TNR: variants seen among roughly 807,000 people sequenced by gnomAD.
The protein encoded by TNR is tenascin-R.
Under a neutral mutation model 150.4 loss-of-function variants are expected in TNR, and 45 were observed. That is an observed-to-expected ratio of 0.30 (90% confidence interval 0.24 to 0.38). The LOEUF (loss-of-function observed/expected upper bound fraction) is 0.38. Ranked by LOEUF, TNR falls within the 10% of genes least tolerant of loss-of-function variation. The pLI is 1.00. For missense variants in TNR, 1,544 were observed against 1,759.1 expected (o/e 0.88, Z 2.19); for synonymous variants, 687 against 678.4 (o/e 1.01, Z -0.20).
rs1264128591 is a variant in TNR, at chr1:175,318,180, C to A, written c.*5177G>T. 6.6e-6 allele frequency: 1 copy of A among 152,224 alleles called. No individual in the cohort carries two copies. Among genetic ancestry groups the A allele is most frequent in the Non-Finnish European group, 1.5e-5 (1 of 68,062 alleles). The allele number at this position is 152,224 out of a possible 1,614,324, so 9.4% of individuals were successfully genotyped here. On this transcript the variant is annotated 3_prime_UTR_variant, in exon 23 of 23. Coordinates refer to ENST00000367674, the MANE Select transcript of TNR (RefSeq NM_003285.3). The stretch of plus-strand genomic sequence containing the variant: ...CTCCTCAAGTTAAGTGGGTGAATGG[C>A]AGAAGCTCTGGTGGGAGGCTGGAGG...
chr1:175,415,563 C>G (rs1654401342), intron 2 of TNR, among the ~76,000 whole-genome samples: 1 of 152,154 alleles, frequency 6.6e-6, no homozygotes, highest in Non-Finnish European at 1.5e-5. Flanking sequence ...CAGGAAGGGT[C>G]TTTGGTTCAG....
intron 2 of TNR, among the ~76,000 whole-genome samples, chr1:175,485,338 T>C (rs901841665): frequency 6.6e-6 from 1 of 152,142 alleles, no homozygotes; most frequent in Non-Finnish European, 1.5e-5. Flanking sequence ...AAGACGTAAG[T>C]AGCAAAGAAT....
intron 2 of TNR, among the ~76,000 whole-genome samples, chr1:175,513,554 G>A (rs780806664): frequency 5.9e-5 from 9 of 152,196 alleles, no homozygotes; most frequent in Admixed American, 2.0e-4. Context: ...TGGGTAGGAA[G>A]AAGCCCTCCT....
chr1:175,696,525 A>G (rs901360235), intron 1 of TNR, among the ~76,000 whole-genome samples: 1 of 152,214 alleles, frequency 6.6e-6, no homozygotes, highest in East Asian at 1.9e-4. Context: ...TATGAATTGG[A>G]TAATCCTGCC....
chr1:175,732,358 T>C (rs1667664761), intron 1 of TNR, among the ~76,000 whole-genome samples: 3 of 152,188 alleles, frequency 2.0e-5, no homozygotes, highest in Non-Finnish European at 4.4e-5. Context: ...AATGAGGCTT[T>C]TGTGGATAGA....
intron 18 of TNR, among the ~76,000 whole-genome samples, chr1:175,352,492 C>T (rs932896308): frequency 1.3e-5 from 2 of 152,102 alleles, no homozygotes; most frequent in African/African-American, 4.8e-5. Flanking sequence ...GAAAAGAGGA[C>T]CATGGAGCCC....
At chr1:175,427,999 T>C (rs1655093183) in intron 2 of TNR, among the ~76,000 whole-genome samples, 1 of 151,940 alleles carries the variant, frequency 6.6e-6, no homozygotes, top group South Asian at 2.1e-4. Flanking sequence ...GGTTTCGGAT[T>C]GGTGTCTAGA....
chr1:175,470,281 G>A (rs891357376), intron 2 of TNR, among the ~76,000 whole-genome samples: 1 of 152,102 alleles, frequency 6.6e-6, no homozygotes, highest in South Asian at 2.1e-4. Flanking sequence ...TGTATAAAGT[G>A]AAAAGAAAAG....
Position 175,359,751 on chromosome 1 carries a change from C to T in TNR, c.2855-20G>A. The T allele has an allele frequency of 6.3e-7, 1 of 1,594,790 alleles. No individual in the cohort carries two copies. Among genetic ancestry groups the T allele is most frequent in the Non-Finnish European group, 8.5e-7 (1 of 1,170,542 alleles). On this transcript the variant is annotated intron_variant, in intron 14 of 22. Coordinates refer to ENST00000367674, the MANE Select transcript of TNR (RefSeq NM_003285.3). ...CCATGGCTGAAACAGAATAGATTAT[C>T]AGTTACAGATAAGAGGAGCTGCAGG...
intron 2 of TNR, among the ~76,000 whole-genome samples, chr1:175,414,101 A>C (rs889643102): frequency 3.1e-4 from 5 of 16,114 alleles, no homozygotes; most frequent in African/African-American, 7.6e-4. Flanking sequence ...CCTGGGTGAT[A>C]AGAGTAAGAT....
intron 1 of TNR, among the ~76,000 whole-genome samples, chr1:175,600,759 G>T (rs1259335069): frequency 6.6e-6 from 1 of 152,214 alleles, no homozygotes; most frequent in Non-Finnish European, 1.5e-5. Context: ...TACCTTACGG[G>T]CTTTCAGTAG....
intron 1 of TNR, among the ~76,000 whole-genome samples, chr1:175,574,370 G>GA (rs753066020): frequency 6.6e-6 from 1 of 151,974 alleles, no homozygotes; most frequent in Non-Finnish European, 1.5e-5. Flanking sequence ...TCAAAGTACA[G>GA]AAAAAAGAAG....
chr1:175,596,182 T>C (rs1272985787), intron 1 of TNR, among the ~76,000 whole-genome samples: 1 of 152,240 alleles, frequency 6.6e-6, no homozygotes. Flanking sequence ...AATTTGTGAA[T>C]AACATTTCAC....
chr1:175,734,306 T>G (rs988918906), intron 1 of TNR, among the ~76,000 whole-genome samples: 3 of 152,232 alleles, frequency 2.0e-5, no homozygotes, highest in Non-Finnish European at 2.9e-5. Flanking sequence ...AGTCTTTTTG[T>G]AGAAAATGAC....
At chr1:175,518,112 C>T (rs973187839) in intron 2 of TNR, among the ~76,000 whole-genome samples, 2 of 152,156 alleles carry the variant, frequency 1.3e-5, no homozygotes, top group African/African-American at 4.8e-5. Flanking sequence ...ACAGATTTCC[C>T]AGATATTACA....
intron 1 of TNR, among the ~76,000 whole-genome samples, chr1:175,669,918 G>A (rs1453716809): frequency 6.6e-6 from 1 of 152,202 alleles, no homozygotes; most frequent in Non-Finnish European, 1.5e-5. Context: ...TCCAGCACGT[G>A]GCACAGGAAG....
At chr1:175,700,616 C>A (rs1666663754) in intron 1 of TNR, among the ~76,000 whole-genome samples, 1 of 152,146 alleles carries the variant, frequency 6.6e-6, no homozygotes, top group South Asian at 2.1e-4. Context: ...CCAGCCTCCA[C>A]TGTTAAAACA....
intron 2 of TNR, among the ~76,000 whole-genome samples, chr1:175,435,652 C>T (rs990061173): frequency 6.6e-6 from 1 of 152,178 alleles, no homozygotes; most frequent in Non-Finnish European, 1.5e-5. Flanking sequence ...GGACTGATCC[C>T]TGTGACACAT....
At chr1:175,446,842 T>C (rs577166523) in intron 2 of TNR, among the ~76,000 whole-genome samples, 13 of 152,198 alleles carry the variant, frequency 8.5e-5, no homozygotes, top group Non-Finnish European at 1.8e-4. Context: ...CCTTGGACTT[T>C]TGTTGTGTGT....
Sources: gnomAD v4.1 joint callset for allele counts (sites outside exome capture counted in the v4.1 genomes callset) on GRCh38, gnomAD v4.1.1 for gene constraint, MANE v1.5 for transcripts, NCBI Gene and HGNC (gene_info 2026-07-23, HGNC 2026-07-21) for gene names.